Variants in TRPM3 observed in about 807,000 individuals in gnomAD.
TRPM3 encodes long transient receptor potential channel 3.
In TRPM3, 77 loss-of-function variants were observed where a neutral mutation model predicts 181.2. That is an observed-to-expected ratio of 0.42 (90% CI 0.35 to 0.51). The LOEUF (loss-of-function observed/expected upper bound fraction) is 0.51. Among genes scored for constraint, TRPM3 ranks in the 20% least tolerant of loss-of-function variants. TRPM3 has a pLI of 0.01. For synonymous variants in TRPM3, 745 were observed against 796.4 expected, an observed-to-expected ratio of 0.94 and a Z score of 1.09; for missense variants, 1,759 against 2,196.7, an observed-to-expected ratio of 0.80 and a Z score of 3.98.
At chr9:70,579,959 A>G (rs1348832285) in intron 22 of TRPM3, among the ~76,000 whole-genome samples, 1 of 152,120 alleles carries the variant, frequency 6.6e-6, no homozygotes, top group African/African-American at 2.4e-5. Context: ...CTTCCACGTC[A>G]CCTGCCCCCA....
chr9:71,401,304 T>C (rs1200542849), intron 1 of TRPM3, among the ~76,000 whole-genome samples: 1 of 150,274 alleles, frequency 6.7e-6, no homozygotes, highest in Non-Finnish European at 1.5e-5. Flanking sequence ...GGAAGGAAGA[T>C]GAGGGAAGGT....
intron 1 of TRPM3, among the ~76,000 whole-genome samples, chr9:71,421,737 A>G (rs1016226735): frequency 1.3e-5 from 2 of 152,062 alleles, no homozygotes; most frequent in Non-Finnish European, 2.9e-5. Context: ...ACAGACCTGT[A>G]CATCATGGGA....
chr9:70,786,514 T>A (rs865812836), intron 6 of TRPM3, among the ~76,000 whole-genome samples: 1 of 151,730 alleles, frequency 6.6e-6, no homozygotes, highest in African/African-American at 2.4e-5. Context: ...AAAAAAAGAT[T>A]AAGGGCTAAC....
At chr9:71,439,632 T>C (rs932075661) in intron 1 of TRPM3, among the ~76,000 whole-genome samples, 24 of 152,170 alleles carry the variant, frequency 1.6e-4, no homozygotes, top group African/African-American at 5.6e-4. Context: ...GAGACTGGGA[T>C]CCAGACAATC....
intron 1 of TRPM3, among the ~76,000 whole-genome samples, chr9:70,990,755 C>T (rs2097474603): frequency 1.3e-5 from 2 of 152,116 alleles, no homozygotes; most frequent in South Asian, 4.1e-4. Context: ...AAGGGATGTT[C>T]CCCATCCCTC....
intron 1 of TRPM3, among the ~76,000 whole-genome samples, chr9:71,061,857 G>GT (rs1392655420): frequency 3.9e-5 from 6 of 152,060 alleles, no homozygotes; most frequent in Non-Finnish European, 8.8e-5. Context: ...GAATATGACT[G>GT]TAGGAATCTT....
At chr9:70,864,535 A>AAG in intron 1 of TRPM3, 24 bp from the exon 2 acceptor site, 2 of 1,465,416 alleles carry the variant, frequency 1.4e-6, no homozygotes, top group East Asian at 2.4e-5. Flanking sequence ...CAAAAAAAAA[A>AAG]AAAAAAGAAA....
At chr9:70,992,643 A>G (rs75786620) in intron 1 of TRPM3, among the ~76,000 whole-genome samples, 9,218 of 152,304 alleles carry the variant, frequency 0.061, 416 homozygotes, top group Admixed American at 0.14. Context: ...TGTGACTAGT[A>G]TAACAGTAGA....
intron 1 of TRPM3, among the ~76,000 whole-genome samples, chr9:71,382,281 G>A (rs911375479): frequency 1.3e-5 from 2 of 152,018 alleles, no homozygotes; most frequent in East Asian, 1.9e-4. Flanking sequence ...ATAAGTAAAA[G>A]AACAGGATCC....
At chr9:71,153,056 G>A (rs10746860) in intron 1 of TRPM3, among the ~76,000 whole-genome samples, 143,807 of 152,048 alleles carry the variant, frequency 0.95, 68,223 homozygotes, top group East Asian at 1. Context: ...TTCAATCTCC[G>A]TAACACCCCT....
At chr9:71,146,934 G>A (rs1257741063) in intron 1 of TRPM3, among the ~76,000 whole-genome samples, 1 of 152,150 alleles carries the variant, frequency 6.6e-6, no homozygotes, top group African/African-American at 2.4e-5. Context: ...ACAGCCATTT[G>A]CTACCTAAAG....
chr9:70,695,039 C>T (rs1410295928), intron 8 of TRPM3, among the ~76,000 whole-genome samples: 1 of 152,210 alleles, frequency 6.6e-6, no homozygotes, highest in African/African-American at 2.4e-5. Flanking sequence ...TGACCCAGAG[C>T]AATGCTCAAG....
At chr9:71,042,202 G>GAA (rs34422926) in intron 1 of TRPM3, among the ~76,000 whole-genome samples, 1 of 145,678 alleles carries the variant, frequency 6.9e-6, no homozygotes, top group East Asian at 2.0e-4. Context: ...GTTGTTATTT[G>GAA]AAAAAAAAAA....
chr9:71,016,847 A>T (rs1054896606), intron 1 of TRPM3, among the ~76,000 whole-genome samples: 1 of 152,110 alleles, frequency 6.6e-6, no homozygotes, highest in African/African-American at 2.4e-5. Context: ...ACATCATTTT[A>T]TATTTCCACC....
At chr9:71,085,565 A>G (rs193154031) in intron 1 of TRPM3, among the ~76,000 whole-genome samples, 157 of 151,688 alleles carry the variant, frequency 1.0e-3, no homozygotes, top group African/African-American at 3.6e-3. Flanking sequence ...GAGCCAACAA[A>G]CCATGAAAAG....
At chr9:71,240,546 T>G (rs920257137) in intron 1 of TRPM3, among the ~76,000 whole-genome samples, 1 of 152,224 alleles carries the variant, frequency 6.6e-6, no homozygotes, top group East Asian at 1.9e-4. Flanking sequence ...AAGTCTATAT[T>G]AACTCTGATA....
At chr9:70,988,907 A>G (rs145264730) in intron 1 of TRPM3, among the ~76,000 whole-genome samples, 1 of 152,252 alleles carries the variant, frequency 6.6e-6, no homozygotes, top group African/African-American at 2.4e-5. Flanking sequence ...TCCTTTCCAC[A>G]CTACTTGGAA....
intron 1 of TRPM3, among the ~76,000 whole-genome samples, chr9:70,885,665 A>G (rs900710574): frequency 6.6e-6 from 1 of 152,154 alleles, no homozygotes. Context: ...TTGCTTTACC[A>G]GGAAAACCTT....
chr9:70,669,682 T>A (rs1451752440), intron 9 of TRPM3, among the ~76,000 whole-genome samples: 6 of 152,130 alleles, frequency 3.9e-5, no homozygotes, highest in Non-Finnish European at 8.8e-5. Context: ...CTACTCTGTC[T>A]GAAAAGAGAA....
Sources: gnomAD v4.1 joint callset for allele counts (sites outside exome capture counted in the v4.1 genomes callset) on GRCh38, gnomAD v4.1.1 for gene constraint, MANE v1.5 for transcripts, NCBI Gene and HGNC (gene_info 2026-07-23, HGNC 2026-07-21) for gene names.